The following CLNK variants were observed in gnomAD, a reference collection of about 807,000 sequenced individuals.
CLNK encodes the protein cytokine dependent hematopoietic cell linker.
In CLNK, 74 loss-of-function variants were observed where a neutral mutation model predicts 68.6. The ratio of observed to expected loss-of-function variants is 1.08; its 90% confidence interval spans 0.89 to 1.31. The LOEUF (loss-of-function observed/expected upper bound fraction) is 1.31, where lower values mean the gene tolerates loss of function less well. Among genes scored for constraint, CLNK ranks in the 50% most tolerant of loss-of-function variants. The pLI is 0.00. For missense variants in CLNK, 553 were observed against 515.3 expected (o/e 1.07, Z -0.71); for synonymous variants, 198 against 172.2 (o/e 1.15, Z -1.17).
chr4:10,711,283 C>T, the CLNK span, among the ~76,000 whole-genome samples: 1 of 152,122 alleles, frequency 6.6e-6, no homozygotes, highest in Non-Finnish European at 1.5e-5. Flanking sequence ...GAGTACAGGG[C>T]CTGGTGTCCA....
chr4:10,567,117 C>A (rs1577134344), intron 5 of CLNK, among the ~76,000 whole-genome samples: 5 of 72,024 alleles, frequency 6.9e-5, no homozygotes, highest in Non-Finnish European at 7.7e-5. Context: ...CAAGAATAGC[C>A]AAAACAATCT....
chr4:10,632,651 GC>G (rs773631663), intron 2 of CLNK, among the ~76,000 whole-genome samples: 1 of 152,100 alleles, frequency 6.6e-6, no homozygotes. Context: ...GGTGCACATT[GC>G]CCCCCTTTTT....
rs1228800484 is a variant in CLNK at position 10,524,016 on chromosome 4, G to T, written c.731+1825C>A. Reference sequence around the variant, plus strand: ...AGACAGAATAAAACCCTGTCTCAAAGAAAAAGAAAGAAAGAAAGGAAGAAA... The same window carrying T: ...AGACAGAATAAAACCCTGTCTCAAATAAAAAGAAAGAAAGAAAGGAAGAAA... On this transcript the variant is annotated intron_variant, in intron 14 of 18. Coordinates refer to ENST00000226951, the MANE Select transcript of CLNK (RefSeq NM_052964.4). 7 of 196,670 alleles carry T rather than the reference G, an allele frequency of 3.6e-5. 1 individual carries two copies. In the East Asian group the frequency reaches 7.1e-4, roughly 20 times the overall value. 12.2% of individuals were successfully genotyped at this position (196,670 alleles called of 1,614,324 possible). A position where few individuals can be genotyped will look rare whatever the true frequency, so the allele number is the denominator to read the frequency against.
At chr4:10,540,885 C>T (rs940632397) in intron 10 of CLNK, among the ~76,000 whole-genome samples, 12 of 152,094 alleles carry the variant, frequency 7.9e-5, no homozygotes, top group Non-Finnish European at 1.8e-4. Context: ...TCATCCCAGA[C>T]TGGCAGACCT....
At chr4:10,683,185 A>G (rs532970107) in intron 1 of CLNK, among the ~76,000 whole-genome samples, 4 of 152,342 alleles carry the variant, frequency 2.6e-5, no homozygotes, top group South Asian at 2.1e-4. Flanking sequence ...CAAGTGGCAG[A>G]GTCAGGATCC....
At chr4:10,687,717 T>G (rs149503736), upstream of CLNK, among the ~76,000 whole-genome samples, 2 of 152,092 alleles carry the variant, frequency 1.3e-5, no homozygotes, top group Non-Finnish European at 2.9e-5. Flanking sequence ...CAAAAGAGGC[T>G]CAATCTCAGG....
At chr4:10,596,222 TCCATG>T (rs1721379127) in intron 3 of CLNK, among the ~76,000 whole-genome samples, 3 of 152,056 alleles carry the variant, frequency 2.0e-5, no homozygotes, top group Non-Finnish European at 4.4e-5. Context: ...ACGGGGTTTC[TCCATG>T]TTGGTCAGGG....
At chr4:10,559,491 T>C (rs1189869766) in intron 7 of CLNK, among the ~76,000 whole-genome samples, 3 of 152,168 alleles carry the variant, frequency 2.0e-5, no homozygotes, top group Admixed American at 6.5e-5. Context: ...GTTTTTTCAA[T>C]GTTCTTGTGC....
At chr4:10,697,083 C>CAACT in the CLNK span, 1 of 152,200 alleles carries the variant, frequency 6.6e-6, no homozygotes, top group Non-Finnish European at 1.5e-5. Flanking sequence ...ATAGCAAACC[C>CAACT]AACTGTCACC....
chr4:10,573,131 T>C lies in CLNK; in HGVS notation c.113-1353A>G, dbSNP rs533622670. Among the ~76,000 whole-genome samples the C allele has an allele frequency of 5.3e-5, 8 of 152,338 alleles. No homozygotes were observed. The South Asian group carries it at 1.7e-3, about 32-fold the overall frequency. ...GGTATGAGCCATGGCACCTGGCCTTTTATTTTCTTAAACATTAGTTATTTC... is the reference window on the plus strand; with the variant it reads ...GGTATGAGCCATGGCACCTGGCCTTCTATTTTCTTAAACATTAGTTATTTC... On this transcript the variant is annotated intron_variant, in intron 4 of 18. Coordinates refer to ENST00000226951, the MANE Select transcript of CLNK (RefSeq NM_052964.4).
At chr4:10,544,290 ATCT>A (rs1199656480) in intron 8 of CLNK, among the ~76,000 whole-genome samples, 1 of 152,198 alleles carries the variant, frequency 6.6e-6, no homozygotes, top group African/African-American at 2.4e-5. Context: ...TAGGACATCT[ATCT>A]TCTTTTATTT....
intron 2 of CLNK, among the ~76,000 whole-genome samples, chr4:10,661,340 T>G (rs1222900031): frequency 6.6e-6 from 1 of 152,216 alleles, no homozygotes; most frequent in East Asian, 1.9e-4. Flanking sequence ...GTGCAAGGTT[T>G]CAAAGAGAAA....
intron 4 of CLNK, among the ~76,000 whole-genome samples, chr4:10,577,084 A>G (rs891116989): frequency 1.3e-5 from 2 of 152,228 alleles, no homozygotes; most frequent in African/African-American, 4.8e-5. Context: ...CTCATCTTGC[A>G]TGAGAAGAGA....
chr4:10,714,005 A>G, the CLNK span, among the ~76,000 whole-genome samples: 1 of 152,178 alleles, frequency 6.6e-6, no homozygotes, highest in African/African-American at 2.4e-5. Context: ...CCAAACAAGA[A>G]TCTTCCTGTC....
the CLNK span, among the ~76,000 whole-genome samples, chr4:10,695,034 A>G: frequency 6.6e-6 from 1 of 152,164 alleles, no homozygotes; most frequent in African/African-American, 2.4e-5. Context: ...CCTGGCAGGG[A>G]TGGAGGAGTG....
intron 2 of CLNK, among the ~76,000 whole-genome samples, chr4:10,643,909 A>G (rs544509395): frequency 3.3e-5 from 5 of 152,322 alleles, no homozygotes; most frequent in East Asian, 3.9e-4. Context: ...CCTTTTCTCT[A>G]TTGTGAATCT....
At chr4:10,622,451 A>G (rs1323733442) in intron 2 of CLNK, among the ~76,000 whole-genome samples, 1 of 152,234 alleles carries the variant, frequency 6.6e-6, no homozygotes, top group Non-Finnish European at 1.5e-5. Flanking sequence ...GACAGGCTAC[A>G]ACAACTCATG....
chr4:10,686,558 T>A (rs1430419154), upstream of CLNK, among the ~76,000 whole-genome samples: 2 of 150,732 alleles, frequency 1.3e-5, no homozygotes, highest in Non-Finnish European at 3.0e-5. Context: ...ACACGGTGGG[T>A]TTGGGGCACT....
chr4:10,732,105 A>G, the CLNK span, among the ~76,000 whole-genome samples: 1 of 152,236 alleles, frequency 6.6e-6, no homozygotes, highest in Non-Finnish European at 1.5e-5. Flanking sequence ...ATTATAGAGT[A>G]CAATGTGGTG....
Sources: gnomAD v4.1 joint callset for allele counts (sites outside exome capture counted in the v4.1 genomes callset) on GRCh38, gnomAD v4.1.1 for gene constraint, MANE v1.5 for transcripts, NCBI Gene and HGNC (gene_info 2026-07-23, HGNC 2026-07-21) for gene names.